The following HAPSTR1 variants were observed in gnomAD, a reference collection of about 807,000 sequenced individuals.
The protein encoded by HAPSTR1 is HUWE1-associated protein modifying stress responses 1.
chr16:9,093,335 A>G, the HAPSTR1 span, among the ~76,000 whole-genome samples: 528 of 152,256 alleles, frequency 3.5e-3, 4 homozygotes, highest in African/African-American at 0.012. Flanking sequence ...AAGAATTATC[A>G]TGCCCCTAAA....
At chr16:9,108,151 T>G in the HAPSTR1 span, 1 of 152,156 alleles carries the variant, frequency 6.6e-6, no homozygotes, top group Non-Finnish European at 1.5e-5. Flanking sequence ...GTGTTTACTT[T>G]GTAAAAGCAT....
chr16:9,116,879 C>T, the HAPSTR1 span: 2 of 1,614,068 alleles, frequency 1.2e-6, no homozygotes, highest in Non-Finnish European at 1.7e-6. Context: ...TCATTACAGA[C>T]TCACCAACCC....
the HAPSTR1 span, chr16:9,092,368 G>A: frequency 9.0e-7 from 1 of 1,107,444 alleles, no homozygotes; most frequent in Non-Finnish European, 1.1e-6. Flanking sequence ...GGGCCGCGAC[G>A]GCGGCGGCCT....
At chr16:9,115,544 T>G in the HAPSTR1 span, among the ~76,000 whole-genome samples, 2 of 152,290 alleles carry the variant, frequency 1.3e-5, no homozygotes, top group South Asian at 4.1e-4. Context: ...GGAATGTAAG[T>G]TTGGCTCTTT....
chr16:9,107,522 C>T, the HAPSTR1 span: 1 of 152,370 alleles, frequency 6.6e-6, no homozygotes, highest in Non-Finnish European at 1.5e-5. Flanking sequence ...GTCCATCTTT[C>T]ATGAGACCAT....
the HAPSTR1 span, chr16:9,108,264 G>C: frequency 6.6e-6 from 1 of 152,284 alleles, no homozygotes; most frequent in African/African-American, 2.4e-5. Context: ...AGGTTAGTAA[G>C]TGGTAGAATA....
chr16:9,117,765 C>T, the HAPSTR1 span: 2 of 152,392 alleles, frequency 1.3e-5, no homozygotes, highest in East Asian at 1.9e-4. Context: ...CTTTTTGGTT[C>T]AGTATTAGTG....
chr16:9,102,930 A>C, the HAPSTR1 span: 1 of 1,564,488 alleles, frequency 6.4e-7, no homozygotes, highest in Non-Finnish European at 8.7e-7. Flanking sequence ...TTTAGAAGGG[A>C]ATACGGGCTC....
the HAPSTR1 span, chr16:9,106,751 A>G: frequency 6.6e-6 from 1 of 152,142 alleles, no homozygotes; most frequent in East Asian, 1.9e-4. Flanking sequence ...AGAGATAAAC[A>G]TGCATGTGCT....
the HAPSTR1 span, among the ~76,000 whole-genome samples, chr16:9,113,982 T>G: frequency 4.2e-4 from 64 of 152,338 alleles, no homozygotes; most frequent in Non-Finnish European, 7.9e-4. Flanking sequence ...CTTTGAAGTA[T>G]TATTCTTTTT....
At chr16:9,105,856 C>G in the HAPSTR1 span, 3 of 152,212 alleles carry the variant, frequency 2.0e-5, no homozygotes, top group Non-Finnish European at 4.4e-5. Flanking sequence ...AAAGCAAACT[C>G]AGTTCCTCTT....
At chr16:9,103,437 C>A in the HAPSTR1 span, 1 of 620,398 alleles carries the variant, frequency 1.6e-6, no homozygotes, top group Non-Finnish European at 2.7e-6. Context: ...TTTCTGTCAG[C>A]TAACCTATCC....
the HAPSTR1 span, among the ~76,000 whole-genome samples, chr16:9,095,343 A>G: frequency 4.6e-5 from 7 of 152,236 alleles, no homozygotes; most frequent in Non-Finnish European, 1.0e-4. Context: ...AATAGAACCA[A>G]TAAAATTAGC....
At chr16:9,116,960 C>G in the HAPSTR1 span, 1 of 1,604,418 alleles carries the variant, frequency 6.2e-7, no homozygotes. Context: ...GCCACTTGAT[C>G]CTCAACATAT....
chr16:9,118,962 T>C, the HAPSTR1 span: 2 of 152,670 alleles, frequency 1.3e-5, no homozygotes, highest in Admixed American at 1.3e-4. Flanking sequence ...TTACTCTGAA[T>C]TGTCAAATTT....
At chr16:9,113,027 G>GTTTTTTT in the HAPSTR1 span, 1 of 128,302 alleles carries the variant, frequency 7.8e-6, no homozygotes, top group African/African-American at 2.9e-5. Flanking sequence ...TGTTTTTTTT[G>GTTTTTTT]TTTTTTTTTG....
At chr16:9,101,411 G>A in the HAPSTR1 span, among the ~76,000 whole-genome samples, 3 of 152,210 alleles carry the variant, frequency 2.0e-5, no homozygotes, top group Non-Finnish European at 4.4e-5. Context: ...TGTAAAATTA[G>A]AATAATCCAC....
chr16:9,116,135 C>T, the HAPSTR1 span, among the ~76,000 whole-genome samples: 3 of 152,126 alleles, frequency 2.0e-5, no homozygotes, highest in Non-Finnish European at 2.9e-5. Context: ...TGACTCTTTT[C>T]GGGCTCAACA....
At chr16:9,099,925 C>A in the HAPSTR1 span, among the ~76,000 whole-genome samples, 12 of 152,194 alleles carry the variant, frequency 7.9e-5, no homozygotes, top group African/African-American at 2.9e-4. Context: ...ATTTTAAATA[C>A]TTCACCATTT....
Sources: allele counts gnomAD v4.1 joint callset (sites outside exome capture counted in the v4.1 genomes callset), GRCh38; gene constraint gnomAD v4.1.1; transcripts MANE v1.5; gene names NCBI Gene and HGNC (gene_info 2026-07-23, HGNC 2026-07-21).